Variants in MARCHF2 observed in about 807,000 individuals in gnomAD.
The protein encoded by MARCHF2 is membrane associated ring-CH-type finger 2, also known as E3 ubiquitin-protein ligase MARCHF2.
MARCHF2 carries 22 observed loss-of-function variants against 24.0 expected under a neutral mutation model. The observed-to-expected ratio is 0.92, with a 90% CI of 0.66 to 1.31. The LOEUF (loss-of-function observed/expected upper bound fraction) is 1.31. Ranked by LOEUF, MARCHF2 falls within the 50% of genes most tolerant of loss-of-function variation. The pLI is 0.00. For synonymous variants in MARCHF2, 154 were observed against 153.0 expected, an observed-to-expected ratio of 1.01 and a Z score of -0.05; for missense variants, 301 against 335.3, an observed-to-expected ratio of 0.90 and a Z score of 0.80.
At chr19:8,425,161 G>A (rs1967363071) in intron 2 of MARCHF2, among the ~76,000 whole-genome samples, 1 of 152,008 alleles carries the variant, frequency 6.6e-6, no homozygotes, top group Admixed American at 6.6e-5. Flanking sequence ...AGATCACGAG[G>A]TCAGGAGATT....
intron 1 of MARCHF2, among the ~76,000 whole-genome samples, chr19:8,420,280 G>A (rs530930803): frequency 6.6e-6 from 1 of 151,244 alleles, no homozygotes; most frequent in Non-Finnish European, 1.5e-5. Flanking sequence ...CCCGTAAGGT[G>A]GAGGTTGCAG....
Position 8,438,704 on chromosome 19 carries a change from G to T in MARCHF2, c.*158G>T. 4.8e-6 allele frequency: 3 copies of T among 623,986 alleles called. No individual in the cohort carries two copies. Among genetic ancestry groups the T allele is most frequent in the Non-Finnish European group, 8.1e-6 (3 of 372,378 alleles). 38.7% of individuals were successfully genotyped at this position (623,986 alleles called of 1,614,324 possible). ...AGACACCATGCAGAGCCTAGTCTGT[G>T]ATCCTGTGTGAAGATATTTTCAGGG... On this transcript the variant is annotated 3_prime_UTR_variant, in exon 5 of 5. Transcript: ENST00000215555.
intron 1 of MARCHF2, among the ~76,000 whole-genome samples, chr19:8,415,745 A>AC (rs757664214): frequency 0.21 from 10,973 of 52,228 alleles, 1,370 homozygotes; most frequent in East Asian, 0.25. Flanking sequence ...CAAAAAAAAC[A>AC]AAAAAAAAAA....
chr19:8,426,691 G>C lies in MARCHF2; in HGVS notation c.259G>C (p.Gly87Arg). 1 of 1,613,902 alleles carries C rather than the reference G, an allele frequency of 6.2e-7. No individual in the cohort carries two copies. The highest frequency in any genetic ancestry group is 8.5e-7 in the Non-Finnish European group (1 of 1,179,986). Reference protein sequence around the residue: ...LSPCGCTGTLGAVHKSCLEKW... With the variant: ...LSPCGCTGTLRAVHKSCLEKW... ...CCCGTGTGGCTGCACCGGCACGCTG[G>C]GTGCCGTGCATAAGAGCTGTCTGGA... Residue 87 changes from glycine (G) to arginine (R), a missense_variant, in exon 3 of 5, where the codon GGT (glycine) becomes CGT (arginine). Physicochemically the swap from Gly to Arg is moderately radical, Grantham distance 125. Transcript: ENST00000215555.
rs557118847 is a variant in MARCHF2 at position 8,431,885 on chromosome 19, G to A, written c.582+1018G>A. 6.0e-5 allele frequency among the ~76,000 whole-genome samples: 9 copies of A among 151,188 alleles called. No individual in the cohort carries two copies. The East Asian group carries it at 7.8e-4, about 13-fold the overall frequency. The stretch of plus-strand genomic sequence containing the variant: ...AAATTGAAAGAGGAAAGCCAGGTGC[G>A]GTGGCTCATGCCTGTAATCCCCATA... On this transcript the variant is annotated intron_variant, in intron 4 of 4. Coordinates refer to ENST00000215555, the MANE Select transcript of MARCHF2 (RefSeq NM_001005415.2).
chr19:8,422,702 A>AT (rs79474553), intron 2 of MARCHF2, among the ~76,000 whole-genome samples: 8,811 of 97,086 alleles, frequency 0.091, 1,261 homozygotes, highest in African/African-American at 0.31. Flanking sequence ...CTCTTTTTAA[A>AT]TTTTTTTTTT....
At chr19:8,424,293 C>G (rs1967336066) in intron 2 of MARCHF2, among the ~76,000 whole-genome samples, 1 of 152,128 alleles carries the variant, frequency 6.6e-6, no homozygotes, top group Admixed American at 6.6e-5. Flanking sequence ...GAGCACTTCT[C>G]TCTGGATGCA....
chr19:8,424,608 A>G (rs1967346706), intron 2 of MARCHF2, among the ~76,000 whole-genome samples: 1 of 151,886 alleles, frequency 6.6e-6, no homozygotes, highest in African/African-American at 2.4e-5. Context: ...TCGAGCTTGC[A>G]GTGAGCCGAG....
chr19:8,436,122 A>G (rs1319605160), intron 4 of MARCHF2, among the ~76,000 whole-genome samples: 12 of 151,542 alleles, frequency 7.9e-5, no homozygotes. Context: ...ATGAATGTAT[A>G]ATGACATGTA....
At position 8,430,823 on chromosome 19, in the gene MARCHF2, G is replaced by A; in HGVS notation, c.538G>A (p.Ala180Thr). The A allele has an allele frequency of 1.2e-6, 2 of 1,610,564 alleles. No homozygotes were observed. The highest frequency in any genetic ancestry group is 2.2e-5 in the South Asian group (2 of 91,032). ...CCAGCTGGAGGCCGTGGGTCTCATT[G>A]CCCTCACCATCGCCCTCTTCACCAT... is the stretch of plus-strand genomic sequence containing the variant. The part of the protein sequence containing the change: ...HSQLEAVGLI[A>T]LTIALFTIYV... Residue 180 changes from alanine (A) to threonine (T), a missense_variant, in exon 4 of 5, where the codon GCC (alanine) becomes ACC (threonine). Transcript: ENST00000215555. This position sits in a 1 kb window ranked among gnomAD's most constrained non-coding sequence, Gnocchi z 4.4.
intron 2 of MARCHF2, among the ~76,000 whole-genome samples, chr19:8,425,131 T>G (rs1289079046): frequency 6.6e-6 from 1 of 151,936 alleles, no homozygotes; most frequent in Non-Finnish European, 1.5e-5. Flanking sequence ...ATCCCAGCAC[T>G]TTGGGAGGCT....
At chr19:8,429,420 C>T (rs1453881163) in intron 3 of MARCHF2, among the ~76,000 whole-genome samples, 1 of 151,668 alleles carries the variant, frequency 6.6e-6, no homozygotes, top group Non-Finnish European at 1.5e-5. Context: ...GAGTTCAAGA[C>T]CAGCCTGGGC....
intron 4 of MARCHF2, among the ~76,000 whole-genome samples, chr19:8,433,689 AAAAAGAAAAG>A (rs1329731019): frequency 6.6e-6 from 1 of 151,028 alleles, no homozygotes; most frequent in Non-Finnish European, 1.5e-5. Context: ...AAAAAAAAAA[AAAAAGAAAAG>A]AAAAGAAAAG....
chr19:8,428,424 G>A (rs568065391), intron 3 of MARCHF2, among the ~76,000 whole-genome samples: 114 of 148,080 alleles, frequency 7.7e-4, no homozygotes, highest in South Asian at 1.9e-3. Flanking sequence ...GGAGGCGGAG[G>A]TTGCAGTGAG....
intron 3 of MARCHF2, chr19:8,427,828 A>T (rs1236969903): frequency 1.3e-5 from 2 of 151,218 alleles, no homozygotes; most frequent in African/African-American, 4.9e-5. Flanking sequence ...AAAAAAAAAA[A>T]AAAAAGTCCA....
intron 4 of MARCHF2, among the ~76,000 whole-genome samples, chr19:8,437,935 G>C: frequency 6.6e-6 from 1 of 151,822 alleles, no homozygotes; most frequent in Non-Finnish European, 1.5e-5. Flanking sequence ...AGTAGAGACG[G>C]GGTTTTTAGT....
Position 8,430,548 on chromosome 19 carries a change from A to AT in MARCHF2, c.373-110_373-109insT. 2.5e-6 allele frequency: 2 copies of AT among 798,910 alleles called. No homozygotes were observed. The highest frequency in any genetic ancestry group is 1.7e-5 in the South Asian group (1 of 57,970). The allele number at this position is 798,910 out of a possible 1,614,324, so 49.5% of individuals were successfully genotyped here. ...AGAATCTGTCTCAAAAAAAAAAAAA[A>AT]GAAAGAAGGAAAGGACAGAGGGAGG... On this transcript the variant is annotated intron_variant, in intron 3 of 4. Transcript: ENST00000215555. The surrounding 1 kb of genome is among the most constrained non-coding windows in gnomAD (Gnocchi z 4.4).
At chr19:8,417,826 G>A (rs796490732) in intron 1 of MARCHF2, among the ~76,000 whole-genome samples, 53 of 122,462 alleles carry the variant, frequency 4.3e-4, no homozygotes, top group Middle Eastern at 0.013. Context: ...GCAATGGTGC[G>A]ATCTCGGCTC....
Position 8,421,913 on chromosome 19 carries a change from G to T in MARCHF2, c.73G>T (p.Val25Phe), listed in dbSNP as rs200909043. The T allele has an allele frequency of 2.5e-6, 4 of 1,613,936 alleles. No individual in the cohort carries two copies. Among genetic ancestry groups the T allele is most frequent in the Non-Finnish European group, 3.4e-6 (4 of 1,179,956 alleles). ...CTCCGGCAGCCCTGCCTTCTCCAAG[G>T]TCGTGGAGGCTACGGGCCTCGGACC... ...DCSGSPAFSK[V>F]VEATGLGPPQ... The change falls in exon 2 of 5, where the codon GTC (valine) becomes TTC (phenylalanine). Residue 25 changes from valine (V) to phenylalanine (F), a missense_variant. Coordinates refer to ENST00000215555, the MANE Select transcript of MARCHF2 (RefSeq NM_001005415.2).
Sources: allele counts gnomAD v4.1 joint callset (sites outside exome capture counted in the v4.1 genomes callset), GRCh38; gene constraint gnomAD v4.1.1; non-coding constraint Gnocchi (gnomAD v3.1); transcripts MANE v1.5; gene names NCBI Gene and HGNC (gene_info 2026-07-23, HGNC 2026-07-21).